The following UBA52 variants were observed in gnomAD, a reference collection of about 807,000 sequenced individuals.
UBA52 encodes the protein ubiquitin-ribosomal protein eL40 fusion protein.
Under a neutral mutation model 15.3 loss-of-function variants are expected in UBA52, and 1 was observed. The ratio of observed to expected loss-of-function variants is 0.07; its 90% confidence interval spans 0.02 to 0.31. The LOEUF is 0.31. Among genes scored for constraint, UBA52 ranks in the 10% least tolerant of loss-of-function variants. The pLI is 1.00. For synonymous variants in UBA52, 50 were observed against 58.3 expected, an observed-to-expected ratio of 0.86 and a Z score of 0.65; for missense variants, 87 against 168.0, an observed-to-expected ratio of 0.52 and a Z score of 2.66.
Position 18,573,313 on chromosome 19 carries a change from G to C in UBA52, c.13G>C (p.Val5Leu). Residue 5 changes from valine to leucine, a missense_variant, in exon 2 of 5, where the codon GTG becomes CTG. Coordinates refer to ENST00000442744, the MANE Select transcript of UBA52 (RefSeq NM_001033930.3). MQIF[V>L]KTLTGKTITL... ...TGCAGACGCAAACATGCAGATCTTT[G>C]TGAAGACCCTCACTGGCAAAACCAT... 1 of 1,614,144 alleles carries C rather than the reference G, an allele frequency of 6.2e-7. No homozygotes were observed. The highest frequency in any genetic ancestry group is 8.5e-7 in the Non-Finnish European group (1 of 1,180,020).
chr19:18,573,886 C>T, intron 3 of UBA52, 138 bp downstream of exon 3: 1 of 816,384 alleles, frequency 1.2e-6, no homozygotes, highest in Non-Finnish European at 1.9e-6. Flanking sequence ...CACAGTGGCT[C>T]ATGCCTGTAA....
At chr19:18,572,075 GCGC>G (rs1350145577) in intron 1 of UBA52, 166 bp downstream of exon 1, 1 of 152,324 alleles carries the variant, frequency 6.6e-6, no homozygotes, top group Admixed American at 6.5e-5. Context: ...CAGGAGGCGA[GCGC>G]CGTTTTGGAG....
At chr19:18,566,761 C>A (rs1434993537), upstream of UBA52, among the ~76,000 whole-genome samples, 2 of 151,806 alleles carry the variant, frequency 1.3e-5, no homozygotes, top group South Asian at 4.2e-4. Flanking sequence ...CCACTGCACT[C>A]CACCCTGGGC....
At position 18,575,187 on chromosome 19, in the gene UBA52, G is replaced by GCC. The variant is rs1190958256; in HGVS notation, c.*40_*41dup. 1.2e-6 allele frequency: 2 copies of GCC among 1,611,988 alleles called. No individual in the cohort carries two copies. Among genetic ancestry groups the GCC allele is most frequent in the Non-Finnish European group, 8.5e-7 (1 of 1,178,628 alleles). ...CCTTGAAGGGCAGCCTCCTGCCCAG[G>GCC]CCCCGTGGCCCTGGAGCCTCAATAA... On this transcript the variant is annotated 3_prime_UTR_variant, in exon 5 of 5. Coordinates refer to ENST00000442744, the MANE Select transcript of UBA52 (RefSeq NM_001033930.3).
At chr19:18,574,148 G>A (rs555523185) in intron 3 of UBA52, among the ~76,000 whole-genome samples, 1 of 151,810 alleles carries the variant, frequency 6.6e-6, no homozygotes, top group South Asian at 2.1e-4. Context: ...GCTAGGCATG[G>A]TGGTGCGTGC....
At chr19:18,572,686 G>A in intron 1 of UBA52, 1 of 546,548 alleles carries the variant, frequency 1.8e-6, no homozygotes, top group Non-Finnish European at 2.3e-6. Flanking sequence ...GCAGGTGGTT[G>A]GTAGATACTA....
chr19:18,574,024 G>T (rs1975646247), intron 3 of UBA52, among the ~76,000 whole-genome samples: 1 of 151,998 alleles, frequency 6.6e-6, no homozygotes, highest in Non-Finnish European at 1.5e-5. Context: ...AGTGGCTCAG[G>T]CCTGTAATCC....
upstream of UBA52, chr19:18,567,457 C>T: frequency 5.7e-6 from 4 of 703,348 alleles, no homozygotes; most frequent in Non-Finnish European, 1.0e-5. Context: ...GCATTATGAG[C>T]CATCTCAGAA....
chr19:18,573,539 T>G, intron 2 of UBA52, 123 bp from the exon 3 acceptor site: 1 of 1,307,824 alleles, frequency 7.6e-7, no homozygotes, highest in Non-Finnish European at 1.1e-6. Context: ...CTGAAGAACG[T>G]TTGTTATCTT....
chr19:18,567,115 C>T (rs202114693), upstream of UBA52: 2 of 1,613,540 alleles, frequency 1.2e-6, no homozygotes, highest in Non-Finnish European at 1.7e-6. Flanking sequence ...GCCCTGTGTG[C>T]CTTCTCTCCC....
At chr19:18,573,477 G>A (rs1600619304) in intron 2 of UBA52, 74 bp downstream of exon 2, 3 of 1,390,574 alleles carry the variant, frequency 2.2e-6, no homozygotes, top group African/African-American at 1.4e-5. Context: ...TCTCAGTCCT[G>A]TGTGGGTTGT....
the UBA52 span, among the ~76,000 whole-genome samples, chr19:18,565,628 T>C: frequency 2.6e-5 from 4 of 152,220 alleles, no homozygotes; most frequent in African/African-American, 9.6e-5. Context: ...ATTCTTGTGC[T>C]TCAGCCTTCT....
upstream of UBA52, chr19:18,567,013 TG>T (rs1442881097): frequency 3.7e-6 from 3 of 813,530 alleles, no homozygotes; most frequent in African/African-American, 3.4e-5. Context: ...ATGAACAGTG[TG>T]GGGGTTCTCA....
chr19:18,569,396 T>G (rs1019363076), upstream of UBA52: 1 of 152,728 alleles, frequency 6.5e-6, no homozygotes, highest in Non-Finnish European at 1.5e-5. Flanking sequence ...TAGCTGTGGC[T>G]TCTTCAGTCC....
At chr19:18,572,939 T>A in intron 1 of UBA52, 1 of 1,113,616 alleles carries the variant, frequency 9.0e-7, no homozygotes, top group Non-Finnish European at 1.1e-6. Context: ...GGAAGATGGA[T>A]CTAGCAAGAT....
At chr19:18,567,049 T>C (rs1367201572), upstream of UBA52, 14 of 1,318,090 alleles carry the variant, frequency 1.1e-5, no homozygotes, top group Middle Eastern at 3.8e-4. Context: ...TGCCCTCAGC[T>C]GGCAGCAGGG....
At chr19:18,568,428 G>A (rs754837457), upstream of UBA52, 3 of 1,613,940 alleles carry the variant, frequency 1.9e-6, no homozygotes, top group African/African-American at 4.0e-5. Context: ...CTTCCTGGAG[G>A]AAGAGGATGA....
upstream of UBA52, among the ~76,000 whole-genome samples, chr19:18,568,171 G>A (rs144164737): frequency 6.9e-4 from 104 of 151,558 alleles, no homozygotes; most frequent in Middle Eastern, 6.8e-3. Flanking sequence ...GGAGGTTAAG[G>A]CAGAAGAATC....
chr19:18,571,684 A>ACCCGG, upstream of UBA52: 1 of 152,160 alleles, frequency 6.6e-6, no homozygotes, highest in Non-Finnish European at 1.5e-5. Context: ...CGGGGCCCAC[A>ACCCGG]ACCGGAAGCG....
Sources: gnomAD v4.1 joint callset for allele counts (sites outside exome capture counted in the v4.1 genomes callset) on GRCh38, gnomAD v4.1.1 for gene constraint, MANE v1.5 for transcripts, NCBI Gene and HGNC (gene_info 2026-07-23, HGNC 2026-07-21) for gene names.